The following CEP162 variants were observed in gnomAD, a reference collection of about 807,000 sequenced individuals.
CEP162 encodes centrosomal protein 162.
Under a neutral mutation model 169.2 loss-of-function variants are expected in CEP162, and 141 were observed. That is an observed-to-expected ratio of 0.83 (90% confidence interval 0.73 to 0.96). The LOEUF is 0.96. Ranked by LOEUF, CEP162 falls within the 40% of genes least tolerant of loss-of-function variation. The pLI, the probability that CEP162 is intolerant of heterozygous loss-of-function variation, is 0.00. For synonymous variants in CEP162, 540 were observed against 526.4 expected (o/e 1.03, Z -0.35); for missense variants, 1,600 against 1,587.2 (o/e 1.01, Z -0.14).
chr6:84,175,100 G>T, intron 14 of CEP162, 114 bp downstream of exon 14: 1 of 847,918 alleles, frequency 1.2e-6, no homozygotes, highest in South Asian at 2.1e-5. Flanking sequence ...AGTGATTACA[G>T]TATCACTCAA....
Position 84,215,806 on chromosome 6 carries a change from G to C in CEP162, c.289C>G (p.Leu97Val), listed in dbSNP as rs1208166051. The C allele has an allele frequency of 2.5e-6, 4 of 1,592,346 alleles. No homozygotes were observed. In the Admixed American group the frequency reaches 5.2e-5, roughly 21 times the overall value. Residue 97 changes from leucine (L) to valine (V), a missense_variant, in exon 4 of 27, where the codon CTC (leucine) becomes GTC (valine). Transcript: ENST00000403245. ...IQFLKSSGTS[L>V]LSTDSLETNE... Reference sequence around the variant, plus strand: ...GTTTCTAAGCTATCAGTACTTAAGAGAGAGGTTCCACTGCTCTTAAGAAAT... The same window carrying C: ...GTTTCTAAGCTATCAGTACTTAAGACAGAGGTTCCACTGCTCTTAAGAAAT...
intron 11 of CEP162, 135 bp from the exon 12 acceptor site, chr6:84,186,758 G>T: frequency 1.5e-6 from 1 of 684,148 alleles, no homozygotes; most frequent in Non-Finnish European, 2.3e-6. Flanking sequence ...AGTTAATGAT[G>T]TTAAATACAG....
intron 25 of CEP162, among the ~76,000 whole-genome samples, chr6:84,146,292 T>C (rs1158632142): frequency 6.6e-6 from 1 of 152,138 alleles, no homozygotes; most frequent in Non-Finnish European, 1.5e-5. Context: ...ATCTGTCTTT[T>C]GTTATGGGGT....
At chr6:84,131,137 G>T (rs1308343697) in intron 25 of CEP162, among the ~76,000 whole-genome samples, 1 of 152,036 alleles carries the variant, frequency 6.6e-6, no homozygotes, top group African/African-American at 2.4e-5. Context: ...CAGGAGCAGT[G>T]GTTCAGTTTC....
intron 18 of CEP162, among the ~76,000 whole-genome samples, chr6:84,168,524 T>C (rs927494519): frequency 6.6e-6 from 1 of 152,134 alleles, no homozygotes; most frequent in African/African-American, 2.4e-5. Flanking sequence ...TTTAGTTTAG[T>C]ACTATCATTC....
At chr6:84,200,206 C>T (rs1030733299) in intron 9 of CEP162, among the ~76,000 whole-genome samples, 30 of 152,126 alleles carry the variant, frequency 2.0e-4, no homozygotes, top group African/African-American at 7.0e-4. Flanking sequence ...GCCAAGGTAG[C>T]GCCACTGCAC....
intron 21 of CEP162, among the ~76,000 whole-genome samples, chr6:84,155,920 C>T (rs2099522962): frequency 6.6e-6 from 1 of 152,032 alleles, no homozygotes; most frequent in Non-Finnish European, 1.5e-5. Flanking sequence ...GCTGAATAGC[C>T]AAAGCAATCC....
At chr6:84,216,205 A>G (rs1006361004) in intron 3 of CEP162, among the ~76,000 whole-genome samples, 2 of 152,238 alleles carry the variant, frequency 1.3e-5, no homozygotes, top group African/African-American at 4.8e-5. Flanking sequence ...AATACAGTAT[A>G]CCATGACACT....
chr6:84,170,797 A>C (rs2099529805), intron 17 of CEP162, among the ~76,000 whole-genome samples: 1 of 152,200 alleles, frequency 6.6e-6, no homozygotes, highest in African/African-American at 2.4e-5. Flanking sequence ...AATATGTTAA[A>C]GTTGGAAGCA....
intron 9 of CEP162, among the ~76,000 whole-genome samples, chr6:84,196,867 A>G (rs535722779): frequency 1.1e-4 from 17 of 152,322 alleles, no homozygotes; most frequent in African/African-American, 3.6e-4. Flanking sequence ...GTATATCCAA[A>G]TAACAAGTTT....
In CEP162 at chr6:84,152,779, G is replaced by A. The variant is rs2099521622; in HGVS notation, c.3395C>T (p.Ala1132Val). 6.2e-7 allele frequency: 1 copy of A among 1,613,268 alleles called. No homozygotes were observed. Among genetic ancestry groups the A allele is most frequent in the Non-Finnish European group, 8.5e-7 (1 of 1,179,710 alleles). ...QNSKGREEMSAKRAKKDVLHS... is the reference protein window; with the variant it reads ...QNSKGREEMSVKRAKKDVLHS... Reference sequence around the variant, plus strand: ...CAAAACATCTTTCTTTGCCCTTTTGGCAGACATTTCCTCTCTGCCCTTTGA... The same window carrying A: ...CAAAACATCTTTCTTTGCCCTTTTGACAGACATTTCCTCTCTGCCCTTTGA... The change falls in exon 23 of 27, where the codon GCC becomes GTC. Residue 1132 changes from alanine (A) to valine (V), a missense_variant. Transcript: ENST00000403245.
intron 4 of CEP162, 78 bp from the exon 5 acceptor site, chr6:84,215,543 A>G (rs1360749639): frequency 3.2e-6 from 4 of 1,255,148 alleles, no homozygotes; most frequent in African/African-American, 1.5e-5. Flanking sequence ...ATTTATTGAC[A>G]TTATGTAGTA....
chr6:84,173,001 T>C (rs1425232350), intron 16 of CEP162, among the ~76,000 whole-genome samples: 1 of 152,146 alleles, frequency 6.6e-6, no homozygotes, highest in African/African-American at 2.4e-5. Flanking sequence ...TCTGCCTCTA[T>C]AGGACCCAAA....
chr6:84,152,927 C>A lies in CEP162; in HGVS notation c.3247G>T (p.Ala1083Ser). 6.2e-7 allele frequency: 1 copy of A among 1,613,782 alleles called. No homozygotes were observed. The highest frequency in any genetic ancestry group is 8.5e-7 in the Non-Finnish European group (1 of 1,179,814). The change falls in exon 23 of 27, where the codon GCT (alanine) becomes TCT (serine). Residue 1083 changes from alanine to serine, a missense_variant. By Grantham distance (99) the Ala-to-Ser change is moderately conservative. Coordinates refer to ENST00000403245, the MANE Select transcript of CEP162 (RefSeq NM_014895.4). ...TTGAGTCTTACTAATTTAGCTTTAGCATGAGCCTGTTCCACCTGGAATTCT... is the reference window on the plus strand; with the variant it reads ...TTGAGTCTTACTAATTTAGCTTTAGAATGAGCCTGTTCCACCTGGAATTCT... ...SIEFQVEQAH[A>S]KAKLVRLNEE...
At position 84,174,947 on chromosome 6, in the gene CEP162, A is replaced by T. The variant is rs1447740027; in HGVS notation, c.1805T>A (p.Leu602Ter). 2.5e-6 allele frequency: 4 copies of T among 1,593,674 alleles called. No homozygotes were observed. Among genetic ancestry groups the T allele is most frequent in the Non-Finnish European group, 3.4e-6 (4 of 1,167,264 alleles). ...DSCIQFQTDS[L>*]GYCGENKEKK... ...CTCCTTGTTCTCACCACAGTATCCT[A>T]AGGAATCCTTTCAAGACAAAGCATT... The change falls in exon 15 of 27, where the codon TTA (leucine) becomes TAA (stop). Residue 602 changes from leucine (L) to a stop codon, truncating the protein, a stop_gained. Coordinates refer to ENST00000403245, the MANE Select transcript of CEP162 (RefSeq NM_014895.4). LOFTEE classifies it high-confidence loss of function.
Position 84,226,419 on chromosome 6 carries a change from TA to T in CEP162, c.-27del. ...AGTCAACAATTTTGACCTCCCAAAG[TA>T]AACATTCTAAAGTACCTCAAACATT... On this transcript the variant is annotated 5_prime_UTR_variant, in exon 2 of 27. An upstream open reading frame in the 5' UTR loses its in-frame stop. Coordinates refer to ENST00000403245, the MANE Select transcript of CEP162 (RefSeq NM_014895.4). The T allele has an allele frequency of 1.3e-6, 2 of 1,509,818 alleles. No individual in the cohort carries two copies. The highest frequency in any genetic ancestry group is 1.8e-6 in the Non-Finnish European group (2 of 1,105,250). The allele number at this position is 1,509,818 out of a possible 1,614,324, so 93.5% of individuals were successfully genotyped here.
Position 84,159,567 on chromosome 6 carries a change from T to A in CEP162, c.2781+1245A>T, listed in dbSNP as rs1444802104. ...TATATATTTTTTTTTTTTTTTTTTTTTTTTTTTTTTTTTTTGAGATGGAGT... is the reference window on the plus strand; with the variant it reads ...TATATATTTTTTTTTTTTTTTTTTTATTTTTTTTTTTTTTTGAGATGGAGT... On this transcript the variant is annotated intron_variant, in intron 21 of 26. Transcript: ENST00000403245. Among the ~76,000 whole-genome samples the A allele has an allele frequency of 3.1e-3, 274 of 87,498 alleles. 2 individuals are homozygous for A. The highest frequency in any genetic ancestry group is 0.014 in the East Asian group (42 of 3,028). The allele number at this position is 87,498 out of a possible 152,430, so 57.4% of individuals were successfully genotyped here.
chr6:84,137,092 A>G (rs550783292), intron 25 of CEP162, among the ~76,000 whole-genome samples: 3 of 152,228 alleles, frequency 2.0e-5, no homozygotes, highest in Non-Finnish European at 4.4e-5. Flanking sequence ...CAAGGGAATA[A>G]GAGTCATACC....
In CEP162 at chr6:84,160,846, G is replaced by T. The variant is rs757345241; in HGVS notation, c.2747C>A (p.Ala916Glu). Residue 916 changes from alanine to glutamate, a missense_variant, in exon 21 of 27, where the codon GCA (alanine) becomes GAA (glutamate). Ala to Glu is a moderately radical substitution (Grantham distance 107). Transcript: ENST00000403245. ...CAGATCCTGAATTTTTTTGGCATCT[G>T]CTGCTTTATCTTTTAAGCGTATCTT... ...RQKIRLKDKA[A>E]DAKKIQDLER... The T allele has an allele frequency of 1.2e-6, 2 of 1,612,758 alleles. No homozygotes were observed.
Sources: gnomAD v4.1 joint callset for allele counts (sites outside exome capture counted in the v4.1 genomes callset) on GRCh38, gnomAD v4.1.1 for gene constraint, MANE v1.5 for transcripts, NCBI Gene and HGNC (gene_info 2026-07-23, HGNC 2026-07-21) for gene names.